CSMD3: variants seen among roughly 807,000 people sequenced by gnomAD.
CSMD3 encodes CUB and Sushi multiple domains 3, also known as CUB and sushi domain-containing protein 3.
CSMD3 carries 177 observed loss-of-function variants against 435.2 expected under a neutral mutation model. The observed-to-expected ratio is 0.41, with a 90% CI of 0.36 to 0.46. The LOEUF (loss-of-function observed/expected upper bound fraction) is 0.46, where lower values mean the gene tolerates loss of function less well. Ranked by LOEUF, CSMD3 falls within the 20% of genes least tolerant of loss-of-function variation. The pLI is 0.34. For missense variants in CSMD3, 4,265 were observed against 4,504.6 expected (o/e 0.95, Z 1.52); for synonymous variants, 1,656 against 1,520.5 (o/e 1.09, Z -2.07).
chr8:112,477,478 G>T (rs917268566), intron 31 of CSMD3, among the ~76,000 whole-genome samples: 1 of 152,128 alleles, frequency 6.6e-6, no homozygotes, highest in African/African-American at 2.4e-5. Flanking sequence ...AATCTCCAGT[G>T]TTGGTGGTGG....
At chr8:113,430,080 C>CAG (rs1169682703) in intron 1 of CSMD3, among the ~76,000 whole-genome samples, 1 of 152,076 alleles carries the variant, frequency 6.6e-6, no homozygotes, top group Non-Finnish European at 1.5e-5. Context: ...TAGCCAGCAC[C>CAG]AGAAGTGAAT....
chr8:112,282,231 C>T lies in CSMD3; in HGVS notation c.9332-881G>A, dbSNP rs887656491. 2.7e-5 allele frequency among the ~76,000 whole-genome samples: 4 copies of T among 148,794 alleles called. No individual in the cohort carries two copies. The Admixed American group carries it at 2.7e-4, about 10-fold the overall frequency. On this transcript the variant is annotated intron_variant, in intron 58 of 70. Coordinates refer to ENST00000297405, the MANE Select transcript of CSMD3 (RefSeq NM_198123.2). ...TTTTGCCTATCATTTGTATAACTGC[C>T]GTGTGTGTGTGTGTGTGTGCATGCG... is the stretch of plus-strand genomic sequence containing the variant.
At chr8:112,985,210 T>C (rs900036735) in intron 6 of CSMD3, among the ~76,000 whole-genome samples, 3 of 152,074 alleles carry the variant, frequency 2.0e-5, no homozygotes, top group African/African-American at 7.2e-5. Flanking sequence ...GACATTGGCA[T>C]TGATCTTAAA....
chr8:112,349,126 T>C (rs1825922930), intron 40 of CSMD3, among the ~76,000 whole-genome samples: 1 of 152,036 alleles, frequency 6.6e-6, no homozygotes, highest in Non-Finnish European at 1.5e-5. Context: ...GTGTTCATAA[T>C]AAATATAAAA....
chr8:112,706,990 A>C (rs1367239081), intron 13 of CSMD3, among the ~76,000 whole-genome samples: 1 of 152,100 alleles, frequency 6.6e-6, no homozygotes, highest in African/African-American at 2.4e-5. Flanking sequence ...CTTGAATGAA[A>C]GAACAAAGTG....
At chr8:112,398,725 C>A (rs1831064420) in intron 35 of CSMD3, among the ~76,000 whole-genome samples, 1 of 152,118 alleles carries the variant, frequency 6.6e-6, no homozygotes, top group South Asian at 2.1e-4. Context: ...GCACTATGGG[C>A]TTGTGACTGG....
rs561246286 is a variant in CSMD3, at chr8:113,094,560, G to T, written c.917+4196C>A. Among the ~76,000 whole-genome samples the T allele has an allele frequency of 5.9e-5, 9 of 152,134 alleles. No homozygotes were observed. In the South Asian group the frequency reaches 1.9e-3, roughly 32 times the overall value. On this transcript the variant is annotated intron_variant, in intron 5 of 70. Coordinates refer to ENST00000297405, the MANE Select transcript of CSMD3 (RefSeq NM_198123.2). ...CAAAATAAATAAAAATTCTTCTCACGCTACTAATCTATTTATCACTAGGTC... is the reference window on the plus strand; with the variant it reads ...CAAAATAAATAAAAATTCTTCTCACTCTACTAATCTATTTATCACTAGGTC...
intron 22 of CSMD3, among the ~76,000 whole-genome samples, chr8:112,596,818 C>T (rs1231982451): frequency 1.9e-4 from 29 of 151,892 alleles, no homozygotes; most frequent in Admixed American, 7.2e-4. Context: ...TTGAAACCAA[C>T]GAGAACAAAG....
intron 1 of CSMD3, among the ~76,000 whole-genome samples, chr8:113,377,571 G>A (rs966915651): frequency 2.6e-5 from 4 of 152,052 alleles, no homozygotes; most frequent in African/African-American, 9.7e-5. Flanking sequence ...ATCCAAAGAA[G>A]GTACACATTT....
At chr8:112,733,258 G>T (rs2077113929) in intron 13 of CSMD3, among the ~76,000 whole-genome samples, 1 of 152,018 alleles carries the variant, frequency 6.6e-6, no homozygotes, top group African/African-American at 2.4e-5. Flanking sequence ...CACCACGCTA[G>T]ACGAATTAAG....
chr8:113,082,468 T>C (rs1173856166), intron 5 of CSMD3, among the ~76,000 whole-genome samples: 2 of 152,094 alleles, frequency 1.3e-5, no homozygotes, highest in Non-Finnish European at 2.9e-5. Context: ...ACAGATACTA[T>C]AGATAAATCT....
intron 13 of CSMD3, among the ~76,000 whole-genome samples, chr8:112,734,165 T>C (rs2077134681): frequency 6.6e-6 from 1 of 151,770 alleles, no homozygotes; most frequent in South Asian, 2.1e-4. Context: ...GAGGATTAAA[T>C]GAATTAACAT....
At chr8:112,734,566 A>C (rs1587119541) in intron 13 of CSMD3, among the ~76,000 whole-genome samples, 1 of 152,092 alleles carries the variant, frequency 6.6e-6, no homozygotes, top group Admixed American at 6.6e-5. Context: ...AGTTCTTCTA[A>C]TCGGGGCTGA....
chr8:112,645,151 A>T lies in CSMD3; in HGVS notation c.3268T>A (p.Ser1090Thr). Residue 1090 changes from serine (S) to threonine (T), a missense_variant, in exon 20 of 71, where the codon TCT becomes ACT. Transcript: ENST00000297405. ...TCAACAGTCCATGTACAATTCAGAG[A>T]ATTTGGATAAAATTCCGGGTAACCA... is the stretch of plus-strand genomic sequence containing the variant. Reference protein sequence around the residue: ...SPGYPEFYPNSLNCTWTVDVT... With the variant: ...SPGYPEFYPNTLNCTWTVDVT... The T allele has an allele frequency of 1.2e-6, 2 of 1,607,390 alleles. No homozygotes were observed. The highest frequency in any genetic ancestry group is 1.7e-6 in the Non-Finnish European group (2 of 1,173,986).
At chr8:113,266,762 A>G (rs145288061) in intron 3 of CSMD3, among the ~76,000 whole-genome samples, 64 of 151,794 alleles carry the variant, frequency 4.2e-4, no homozygotes, top group African/African-American at 1.4e-3. Context: ...TGTTTTAATT[A>G]GTAATACACA....
At chr8:112,416,144 T>C (rs1811885649) in intron 32 of CSMD3, among the ~76,000 whole-genome samples, 1 of 152,152 alleles carries the variant, frequency 6.6e-6, no homozygotes, top group Non-Finnish European at 1.5e-5. Context: ...GAATTGTAGT[T>C]CCCATAATTT....
intron 9 of CSMD3, among the ~76,000 whole-genome samples, chr8:112,947,167 T>A (rs953319801): frequency 1.3e-5 from 2 of 151,774 alleles, no homozygotes; most frequent in Non-Finnish European, 1.5e-5. Flanking sequence ...TCTAGAGGAC[T>A]AAGAAAAATT....
intron 7 of CSMD3, among the ~76,000 whole-genome samples, chr8:112,964,645 A>G (rs2084351100): frequency 6.6e-6 from 1 of 151,970 alleles, no homozygotes; most frequent in Admixed American, 6.6e-5. Flanking sequence ...AGAAGAGTTG[A>G]TGAGACTTTT....
intron 16 of CSMD3, among the ~76,000 whole-genome samples, chr8:112,676,404 A>C (rs1023374970): frequency 6.6e-6 from 1 of 152,128 alleles, no homozygotes; most frequent in Admixed American, 6.6e-5. Context: ...AATGAGCCTG[A>C]GTAGCATATT....
Sources: gnomAD v4.1 joint callset for allele counts (sites outside exome capture counted in the v4.1 genomes callset) on GRCh38, gnomAD v4.1.1 for gene constraint, MANE v1.5 for transcripts, NCBI Gene and HGNC (gene_info 2026-07-23, HGNC 2026-07-21) for gene names.